WWTR1: variants seen among roughly 807,000 people sequenced by gnomAD.
The protein encoded by WWTR1 is WW domain containing transcription regulator 1.
A neutral mutation model predicts 40.1 loss-of-function variants in WWTR1; 13 were observed. The ratio of observed to expected loss-of-function variants is 0.32; its 90% CI spans 0.21 to 0.52. The LOEUF (loss-of-function observed/expected upper bound fraction) is 0.52, where lower values mean the gene tolerates loss of function less well. WWTR1 is among the 20% of genes least tolerant of loss of function. The probability of loss-of-function intolerance (pLI) is 0.97; values close to 1 mark genes in which losing one functional copy is unlikely to be tolerated. For synonymous variants in WWTR1, 230 were observed against 210.1 expected, an observed-to-expected ratio of 1.09 and a Z score of -0.82; for missense variants, 436 against 523.1, an observed-to-expected ratio of 0.83 and a Z score of 1.63.
chr3:149,704,475 G>A (rs1715279557), upstream of WWTR1, among the ~76,000 whole-genome samples: 1 of 152,136 alleles, frequency 6.6e-6, no homozygotes, highest in Non-Finnish European at 1.5e-5. Flanking sequence ...TAGGACACTA[G>A]GCACGATAAA....
chr3:149,675,445 T>C (rs920229539), intron 1 of WWTR1, among the ~76,000 whole-genome samples: 4 of 152,142 alleles, frequency 2.6e-5, no homozygotes, highest in Non-Finnish European at 4.4e-5. Context: ...GGCCTGAAGA[T>C]GAAGATGAGT....
intron 4 of WWTR1, among the ~76,000 whole-genome samples, chr3:149,721,985 T>A (rs987285614): frequency 1.3e-5 from 2 of 152,226 alleles, no homozygotes; most frequent in African/African-American, 2.4e-5. Flanking sequence ...TGTGTGTTTT[T>A]AGAAATTTGT....
chr3:149,718,617 C>T (rs1436253196), intron 4 of WWTR1, among the ~76,000 whole-genome samples: 1 of 152,184 alleles, frequency 6.6e-6, no homozygotes, highest in African/African-American at 2.4e-5. Flanking sequence ...ACTCTATGCC[C>T]GTTAAACAAC....
chr3:149,677,912 G>A (rs1714324351), intron 1 of WWTR1, among the ~76,000 whole-genome samples: 1 of 151,776 alleles, frequency 6.6e-6, no homozygotes. Context: ...ACAGGTGCCT[G>A]CCACCACACC....
intron 1 of WWTR1, among the ~76,000 whole-genome samples, chr3:149,682,606 G>A (rs138267320): frequency 1.3e-5 from 2 of 152,126 alleles, no homozygotes; most frequent in African/African-American, 2.4e-5. Flanking sequence ...ATACAATATC[G>A]AATAGACTGT....
At chr3:149,600,442 T>G (rs549380007) in intron 2 of WWTR1, among the ~76,000 whole-genome samples, 14 of 152,320 alleles carry the variant, frequency 9.2e-5, no homozygotes, top group Non-Finnish European at 1.9e-4. Flanking sequence ...GCCTGACAGC[T>G]TCCTCACCCT....
chr3:149,720,894 TG>T (rs1201996823), intron 4 of WWTR1, among the ~76,000 whole-genome samples: 2 of 152,206 alleles, frequency 1.3e-5, no homozygotes, highest in Admixed American at 1.3e-4. Context: ...TAAATGGAAT[TG>T]TTTTCTTAAG....
At position 149,699,292 on chromosome 3, in the gene WWTR1, C is replaced by CTT. The variant is rs35576449; in HGVS notation, c.-108+3830_-108+3831dup. On this transcript the variant is annotated intron_variant, in intron 1 of 7. Coordinates refer to the WWTR1 transcript ENST00000465804. ...CTGCCAGATATTCTAGGTCATCATTCTTTTTTTTTTTTTTTTTTGAGATGG... is the reference window on the plus strand; with the variant it reads ...CTGCCAGATATTCTAGGTCATCATTCTTTTTTTTTTTTTTTTTTTTGAGATGG... Among the ~76,000 whole-genome samples, 1,262 of 131,698 alleles carry CTT rather than the reference C, an allele frequency of 9.6e-3. 16 individuals are homozygous for CTT. The highest frequency in any genetic ancestry group is 0.033 in the African/African-American group (1,174 of 35,188). 86.4% of individuals were successfully genotyped at this position (131,698 alleles called of 152,430 possible).
Position 149,525,997 on chromosome 3 carries a change from C to T in WWTR1, c.1018+16G>A, listed in dbSNP as rs1314586332. On this transcript the variant is annotated intron_variant, in intron 6 of 6. Transcript: ENST00000360632. ...AACACAAACCCATTGTAAGTGCTTG[C>T]AGGCTTTGCTCCTACCTGTATCCAT... 6.6e-7 allele frequency: 1 copy of T among 1,509,178 alleles called. No individual in the cohort carries two copies. Among genetic ancestry groups the T allele is most frequent in the Middle Eastern group, 1.7e-4 (1 of 5,736 alleles). 93.5% of individuals were successfully genotyped at this position (1,509,178 alleles called of 1,614,324 possible).
chr3:149,555,978 T>C (rs1374333927), intron 3 of WWTR1, among the ~76,000 whole-genome samples: 1 of 152,152 alleles, frequency 6.6e-6, no homozygotes, highest in Non-Finnish European at 1.5e-5. Context: ...GAATGAAGTA[T>C]GGAAATCAGG....
At chr3:149,697,189 T>C (rs1376980807) in intron 1 of WWTR1, among the ~76,000 whole-genome samples, 1 of 151,722 alleles carries the variant, frequency 6.6e-6, no homozygotes, top group Non-Finnish European at 1.5e-5. Context: ...TGTACAAGCA[T>C]GGCACCAACA....
chr3:149,684,102 T>C (rs1010098079), intron 1 of WWTR1, among the ~76,000 whole-genome samples: 8 of 152,164 alleles, frequency 5.3e-5, no homozygotes, highest in Non-Finnish European at 1.0e-4. Flanking sequence ...TTGAAAAATA[T>C]GGGGGGTGTA....
chr3:149,704,339 T>G (rs1008852086), upstream of WWTR1, among the ~76,000 whole-genome samples: 2 of 152,152 alleles, frequency 1.3e-5, no homozygotes, highest in African/African-American at 4.8e-5. Context: ...GGCTAAATTC[T>G]AAATCAGCAC....
chr3:149,669,336 C>T (rs1463887326), intron 2 of WWTR1, among the ~76,000 whole-genome samples: 1 of 152,198 alleles, frequency 6.6e-6, no homozygotes, highest in Non-Finnish European at 1.5e-5. Context: ...ACTCTGCAGC[C>T]TGGGCAGCAG....
intron 3 of WWTR1, among the ~76,000 whole-genome samples, chr3:149,558,002 CAAA>C (rs10554239): frequency 8.8e-4 from 73 of 82,970 alleles, no homozygotes; most frequent in South Asian, 4.5e-3. Flanking sequence ...GGCTCCATCT[CAAA>C]AAAAAAAAAA....
rs73868037 is a variant in WWTR1, at chr3:149,607,120, C to T, written c.432-34120G>A. ...TCATGATATCAAGGCAAAGCCATGA[C>T]GCAGTTTTAACAGATATTACTATTT... is the stretch of plus-strand genomic sequence containing the variant. On this transcript the variant is annotated intron_variant, in intron 2 of 6. Transcript: ENST00000360632. Among the ~76,000 whole-genome samples, 1,279 of 152,266 alleles carry T rather than the reference C, an allele frequency of 8.4e-3. 19 individuals carry two copies. The highest frequency in any genetic ancestry group is 0.028 in the African/African-American group (1,159 of 41,538).
At chr3:149,578,076 T>C (rs533458024) in intron 2 of WWTR1, among the ~76,000 whole-genome samples, 5 of 135,370 alleles carry the variant, frequency 3.7e-5, no homozygotes, top group African/African-American at 1.4e-4. Context: ...CAAGGACACC[T>C]GGTATCCAAG....
chr3:149,549,549 T>A (rs1433409599), intron 3 of WWTR1, among the ~76,000 whole-genome samples: 1 of 152,048 alleles, frequency 6.6e-6, no homozygotes, highest in Non-Finnish European at 1.5e-5. Flanking sequence ...TGAGTAAAGG[T>A]AATGGGGGCT....
chr3:149,605,978 G>C (rs1739461601), intron 2 of WWTR1, among the ~76,000 whole-genome samples: 1 of 152,208 alleles, frequency 6.6e-6, no homozygotes, highest in Non-Finnish European at 1.5e-5. Context: ...GGGGCCTTTG[G>C]AAGGTAGTTA....
Sources: gnomAD v4.1 joint callset for allele counts (sites outside exome capture counted in the v4.1 genomes callset) on GRCh38, gnomAD v4.1.1 for gene constraint, MANE v1.5 for transcripts, NCBI Gene and HGNC (gene_info 2026-07-23, HGNC 2026-07-21) for gene names.